The following PRKG1 variants were observed in gnomAD, a reference collection of about 807,000 sequenced individuals.
PRKG1 encodes protein kinase cGMP-dependent 1, also known as cGMP-dependent protein kinase 1.
In PRKG1, 35 loss-of-function variants were observed where a neutral mutation model predicts 88.1. That is an observed-to-expected ratio of 0.40 (90% CI 0.30 to 0.53). The LOEUF (loss-of-function observed/expected upper bound fraction) is 0.53, where lower values mean the gene tolerates loss of function less well. Among genes scored for constraint, PRKG1 ranks in the 20% least tolerant of loss-of-function variants. The pLI is 0.59. For synonymous variants in PRKG1, 303 were observed against 292.5 expected, an observed-to-expected ratio of 1.04 and a Z score of -0.37; for missense variants, 540 against 839.8, an observed-to-expected ratio of 0.64 and a Z score of 4.41.
chr10:51,618,872 A>C (rs1302837783), intron 3 of PRKG1, among the ~76,000 whole-genome samples: 1 of 151,762 alleles, frequency 6.6e-6, no homozygotes, highest in African/African-American at 2.4e-5. Context: ...GGGTTCAAGC[A>C]ATCCTCCCAC....
chr10:51,063,671 A>T (rs1843717491), intron 1 of PRKG1, among the ~76,000 whole-genome samples: 1 of 152,198 alleles, frequency 6.6e-6, no homozygotes, highest in South Asian at 2.1e-4. Context: ...ACAAGTAACT[A>T]TAAAAGTGGC....
chr10:51,587,791 G>A (rs1438793477), intron 3 of PRKG1, among the ~76,000 whole-genome samples: 1 of 152,134 alleles, frequency 6.6e-6, no homozygotes, highest in Non-Finnish European at 1.5e-5. Flanking sequence ...GTATCTCTGA[G>A]CCTCAATCTT....
chr10:51,377,499 G>C (rs191516622), intron 2 of PRKG1, among the ~76,000 whole-genome samples: 5 of 152,272 alleles, frequency 3.3e-5, no homozygotes, highest in African/African-American at 1.2e-4. Flanking sequence ...GTGGTAGCCT[G>C]GGCTCTGCTA....
At chr10:51,152,576 A>G (rs958976747) in intron 1 of PRKG1, among the ~76,000 whole-genome samples, 4 of 152,162 alleles carry the variant, frequency 2.6e-5, no homozygotes, top group Non-Finnish European at 2.9e-5. Context: ...TTTAAATACT[A>G]TTTATAGATG....
intron 3 of PRKG1, among the ~76,000 whole-genome samples, chr10:51,651,584 C>CT (rs11464425): frequency 0.53 from 76,738 of 144,414 alleles, 21,103 homozygotes; most frequent in Middle Eastern, 0.73. Flanking sequence ...ACAGATCTTA[C>CT]TTTTTTTTTT....
rs556604190 is a variant in PRKG1, at chr10:51,698,650, T to C, written c.593-105935T>C. On this transcript the variant is annotated intron_variant, in intron 3 of 17. Coordinates refer to ENST00000373980, the MANE Select transcript of PRKG1 (RefSeq NM_006258.4). The stretch of plus-strand genomic sequence containing the variant: ...CTGACATCTGCACTTGTCCCCGCTC[T>C]AAAGGCACTGGGCCAACCCCTGGCA... 6 of 1,614,158 alleles carry C rather than the reference T, an allele frequency of 3.7e-6. No individual in the cohort carries two copies. The South Asian group carries it at 5.5e-5, about 15-fold the overall frequency.
At chr10:51,697,768 C>T in intron 3 of PRKG1, 1 of 1,614,174 alleles carries the variant, frequency 6.2e-7, no homozygotes. Flanking sequence ...GCTCAGGGGG[C>T]AGCATGGCAA....
At chr10:52,243,218 G>T (rs1875793) in intron 9 of PRKG1, among the ~76,000 whole-genome samples, 15,163 of 152,114 alleles carry the variant, frequency 0.1, 1,152 homozygotes, top group African/African-American at 0.21. Flanking sequence ...GGCCAAAATT[G>T]TTCTAGACTG....
intron 1 of PRKG1, among the ~76,000 whole-genome samples, chr10:51,107,399 GA>G (rs1236023302): frequency 2.0e-5 from 3 of 151,768 alleles, no homozygotes; most frequent in Admixed American, 1.3e-4. Context: ...CAAGAAACTA[GA>G]AAAAAATGAG....
intron 6 of PRKG1, among the ~76,000 whole-genome samples, chr10:52,061,580 A>G (rs919015557): frequency 3.9e-5 from 6 of 152,134 alleles, no homozygotes; most frequent in Admixed American, 2.0e-4. Context: ...CTGTTAAGTC[A>G]CAAGTCCTGT....
At chr10:51,260,724 C>G (rs560210527) in intron 2 of PRKG1, among the ~76,000 whole-genome samples, 1 of 152,000 alleles carries the variant, frequency 6.6e-6, no homozygotes, top group Non-Finnish European at 1.5e-5. Flanking sequence ...ATACCAAGTC[C>G]GAAATCAATG....
intron 2 of PRKG1, among the ~76,000 whole-genome samples, chr10:51,212,413 C>G (rs1417159650): frequency 2.0e-5 from 3 of 152,152 alleles, no homozygotes; most frequent in Non-Finnish European, 4.4e-5. Flanking sequence ...TGGGCAAGGA[C>G]TTCATATCTA....
At chr10:51,759,432 A>G (rs978625469) in intron 3 of PRKG1, among the ~76,000 whole-genome samples, 1 of 151,864 alleles carries the variant, frequency 6.6e-6, no homozygotes, top group African/African-American at 2.4e-5. Flanking sequence ...ACACCTGGCT[A>G]ATTTTTGTAT....
intron 7 of PRKG1, among the ~76,000 whole-genome samples, chr10:52,132,578 C>T (rs1204975674): frequency 6.6e-6 from 1 of 151,954 alleles, no homozygotes; most frequent in Non-Finnish European, 1.5e-5. Flanking sequence ...CTGGGAACAT[C>T]TTTATTCTCA....
chr10:51,178,823 G>A (rs2132021538), intron 2 of PRKG1, among the ~76,000 whole-genome samples: 1 of 152,134 alleles, frequency 6.6e-6, no homozygotes, highest in South Asian at 2.1e-4. Flanking sequence ...ATGATGTAAT[G>A]AAATTATTGA....
chr10:52,135,081 G>T (rs942505660), intron 8 of PRKG1, among the ~76,000 whole-genome samples: 1 of 151,970 alleles, frequency 6.6e-6, no homozygotes, highest in Non-Finnish European at 1.5e-5. Context: ...TAGAGATGTG[G>T]CATATACAAA....
chr10:51,800,026 T>C (rs928379291), intron 3 of PRKG1, among the ~76,000 whole-genome samples: 2 of 152,202 alleles, frequency 1.3e-5, no homozygotes, highest in East Asian at 3.9e-4. Context: ...ACTGCCATAA[T>C]TTTGAAGTAG....
At position 51,772,893 on chromosome 10, in the gene PRKG1, C is replaced by T. The variant is rs986716611; in HGVS notation, c.593-31692C>T. On this transcript the variant is annotated intron_variant, in intron 3 of 17. Coordinates refer to ENST00000373980, the MANE Select transcript of PRKG1 (RefSeq NM_006258.4). ...TAAAGTGATTGACAAAGAAAGTAAACATCATAAAGGTACTTATCTGATTAC... is the reference window on the plus strand; with the variant it reads ...TAAAGTGATTGACAAAGAAAGTAAATATCATAAAGGTACTTATCTGATTAC... Among the ~76,000 whole-genome samples the T allele has an allele frequency of 2.6e-5, 4 of 152,024 alleles. No individual in the cohort carries two copies. The South Asian group carries it at 8.3e-4, about 31-fold the overall frequency.
intron 1 of PRKG1, among the ~76,000 whole-genome samples, chr10:51,120,013 A>G (rs763885669): frequency 1.3e-5 from 2 of 152,140 alleles, no homozygotes; most frequent in African/African-American, 2.4e-5. Flanking sequence ...ATCAATGCCA[A>G]TAAGGCCTTA....
Sources: gnomAD v4.1 joint callset for allele counts (sites outside exome capture counted in the v4.1 genomes callset) on GRCh38, gnomAD v4.1.1 for gene constraint, MANE v1.5 for transcripts, NCBI Gene and HGNC (gene_info 2026-07-23, HGNC 2026-07-21) for gene names.